ERC2: variants seen among roughly 807,000 people sequenced by gnomAD.
ERC2 encodes the protein ERC protein 2.
Under a neutral mutation model 114.8 loss-of-function variants are expected in ERC2, and 42 were observed. The ratio of observed to expected loss-of-function variants is 0.37; its 90% confidence interval spans 0.29 to 0.47. The LOEUF is 0.47. Ranked by LOEUF, ERC2 falls within the 20% of genes least tolerant of loss-of-function variation. The pLI is 0.99. For missense variants in ERC2, 939 were observed against 1,150.7 expected (o/e 0.82, Z 2.66); for synonymous variants, 454 against 425.5 (o/e 1.07, Z -0.82).
At chr3:56,094,776 G>A (rs1428454517) in intron 6 of ERC2, among the ~76,000 whole-genome samples, 1 of 152,150 alleles carries the variant, frequency 6.6e-6, no homozygotes, top group East Asian at 1.9e-4. Flanking sequence ...CACATATAAA[G>A]TTAGTATATG....
At chr3:55,683,697 C>A in intron 17 of ERC2, 97 bp downstream of exon 17, 1 of 1,012,344 alleles carries the variant, frequency 9.9e-7, no homozygotes, top group Non-Finnish European at 1.5e-6. Context: ...ACACAGGGCA[C>A]AATTCACAAA....
At chr3:55,953,181 G>T (rs1380217868) in intron 12 of ERC2, among the ~76,000 whole-genome samples, 1 of 147,300 alleles carries the variant, frequency 6.8e-6, no homozygotes, top group East Asian at 2.0e-4. Context: ...CTCCAGCCTG[G>T]GTGACAGAGT....
chr3:56,441,949 G>A (rs1237044621), intron 1 of ERC2, among the ~76,000 whole-genome samples: 2 of 152,214 alleles, frequency 1.3e-5, no homozygotes, highest in African/African-American at 4.8e-5. Context: ...AAGGCAGAAG[G>A]AAAGCTTCAG....
chr3:56,032,901 CAGAAAGAAAGAAAGAAAGAA>C (rs200940238), intron 7 of ERC2, among the ~76,000 whole-genome samples: 70 of 36,914 alleles, frequency 1.9e-3, no homozygotes, highest in South Asian at 2.9e-3. Context: ...GAGAGAGAGA[CAGAAAGAAAGAAAGAAAGAA>C]AGAAAGAAAG....
intron 1 of ERC2, among the ~76,000 whole-genome samples, chr3:56,461,028 G>T (rs147467115): frequency 6.7e-6 from 1 of 149,442 alleles, no homozygotes; most frequent in Admixed American, 6.6e-5. Flanking sequence ...GAACAGTGAG[G>T]TGCACTATAC....
intron 15 of ERC2, among the ~76,000 whole-genome samples, chr3:55,725,559 C>A (rs2064859818): frequency 6.6e-6 from 1 of 152,178 alleles, no homozygotes; most frequent in Non-Finnish European, 1.5e-5. Context: ...GAGCTAGTAT[C>A]TATGATACTG....
intron 17 of ERC2, among the ~76,000 whole-genome samples, chr3:55,611,618 T>TC (rs895690765): frequency 1.3e-5 from 2 of 152,080 alleles, no homozygotes; most frequent in Admixed American, 1.3e-4. Flanking sequence ...CTTCTTCAGG[T>TC]CCCAGGCAGC....
At chr3:56,091,313 A>G (rs1019807985) in intron 6 of ERC2, among the ~76,000 whole-genome samples, 4 of 152,074 alleles carry the variant, frequency 2.6e-5, no homozygotes, top group African/African-American at 4.8e-5. Flanking sequence ...GAAGGAAGAT[A>G]TCAAAGAAGA....
intron 4 of ERC2, among the ~76,000 whole-genome samples, chr3:56,162,982 A>C (rs2149995044): frequency 6.6e-6 from 1 of 151,888 alleles, no homozygotes; most frequent in African/African-American, 2.4e-5. Flanking sequence ...GATCCTTCTA[A>C]CTTTTTGAGA....
At chr3:55,856,488 C>T (rs1236921633) in intron 14 of ERC2, among the ~76,000 whole-genome samples, 3 of 150,058 alleles carry the variant, frequency 2.0e-5, no homozygotes, top group Admixed American at 6.6e-5. Context: ...ATAAAGAAGA[C>T]TACAGACAAT....
At chr3:55,908,772 G>GC (rs1177691811) in intron 13 of ERC2, among the ~76,000 whole-genome samples, 1 of 152,122 alleles carries the variant, frequency 6.6e-6, no homozygotes, top group Admixed American at 6.5e-5. Context: ...TGCCATATCA[G>GC]CTCCTGTGCT....
intron 3 of ERC2, among the ~76,000 whole-genome samples, chr3:56,210,046 G>T (rs189682777): frequency 6.6e-6 from 1 of 152,194 alleles, no homozygotes; most frequent in East Asian, 1.9e-4. Context: ...ATCATCAGTG[G>T]GAGATATGTA....
chr3:56,319,954 G>C (rs913360036), intron 2 of ERC2, among the ~76,000 whole-genome samples: 5 of 152,188 alleles, frequency 3.3e-5, no homozygotes, highest in Non-Finnish European at 7.4e-5. Flanking sequence ...GGGAGCAAAT[G>C]TGTTACAGCA....
chr3:55,951,445 A>G (rs1416292005), intron 12 of ERC2, among the ~76,000 whole-genome samples: 1 of 152,238 alleles, frequency 6.6e-6, no homozygotes, highest in Non-Finnish European at 1.5e-5. Context: ...GCAAAATCAT[A>G]AAGTGATCAA....
intron 17 of ERC2, among the ~76,000 whole-genome samples, chr3:55,515,432 A>G (rs965095638): frequency 4.6e-5 from 7 of 152,108 alleles, no homozygotes; most frequent in South Asian, 2.1e-4. Context: ...CAGTGGCGCA[A>G]TCTCGGCTCA....
In ERC2 at chr3:56,066,331, G is replaced by C. The variant is rs570912031; in HGVS notation, c.1641+14486C>G. On this transcript the variant is annotated intron_variant, in intron 7 of 17. Coordinates refer to ENST00000288221, the MANE Select transcript of ERC2 (RefSeq NM_015576.3). ...AGCTTTGCTTAGCTTTTCTTCATGT[G>C]TTTGTTGGCCACATAAATGTCTTCT... is the stretch of plus-strand genomic sequence containing the variant. Among the ~76,000 whole-genome samples the C allele has an allele frequency of 2.0e-5, 3 of 152,308 alleles. No individual in the cohort carries two copies. The South Asian group carries it at 6.2e-4, about 32-fold the overall frequency.
intron 14 of ERC2, among the ~76,000 whole-genome samples, chr3:55,843,558 T>C (rs1183173545): frequency 2.6e-5 from 4 of 152,262 alleles, no homozygotes; most frequent in African/African-American, 7.2e-5. Context: ...TTTATTGTCA[T>C]GGACTTAAAA....
Position 55,645,732 on chromosome 3 carries a change from A to G in ERC2, c.*39+38062T>C, listed in dbSNP as rs527823977. On this transcript the variant is annotated intron_variant, in intron 17 of 17. Coordinates refer to ENST00000288221, the MANE Select transcript of ERC2 (RefSeq NM_015576.3). The stretch of plus-strand genomic sequence containing the variant: ...CGGGAAGGATGTCTGAGTGGGGCTA[A>G]TTTGATAAGTGGTCCATTAATTCAT... 2.0e-5 allele frequency among the ~76,000 whole-genome samples: 3 copies of G among 152,304 alleles called. No individual in the cohort carries two copies. In the East Asian group the frequency reaches 5.8e-4, roughly 29 times the overall value.
chr3:56,196,915 C>T (rs551647266), intron 3 of ERC2, among the ~76,000 whole-genome samples: 1 of 152,202 alleles, frequency 6.6e-6, no homozygotes, highest in African/African-American at 2.4e-5. Flanking sequence ...AATAACACTG[C>T]TAATCCCCAG....
Sources: allele counts gnomAD v4.1 joint callset (sites outside exome capture counted in the v4.1 genomes callset), GRCh38; gene constraint gnomAD v4.1.1; transcripts MANE v1.5; gene names NCBI Gene and HGNC (gene_info 2026-07-23, HGNC 2026-07-21).